The following DTNA variants were observed in gnomAD, a reference collection of about 807,000 sequenced individuals.
The protein encoded by DTNA is dystrophin-related protein 3.
In DTNA, 43 loss-of-function variants were observed where a neutral mutation model predicts 100.7. That is an observed-to-expected ratio of 0.43 (90% CI 0.33 to 0.55). DTNA has a LOEUF of 0.55. DTNA is among the 20% of genes least tolerant of loss of function. The pLI is 0.04. For synonymous variants in DTNA, 349 were observed against 347.9 expected (o/e 1.00, Z -0.04); for missense variants, 798 against 953.9 (o/e 0.84, Z 2.15).
chr18:34,840,061 C>A (rs2096240346), intron 13 of DTNA, among the ~76,000 whole-genome samples: 1 of 152,142 alleles, frequency 6.6e-6, no homozygotes, highest in Admixed American at 6.6e-5. Context: ...AAGATTAATA[C>A]ATGAGATAAT....
intron 1 of DTNA, among the ~76,000 whole-genome samples, chr18:34,667,149 A>G (rs1194428548): frequency 6.6e-6 from 1 of 152,174 alleles, no homozygotes; most frequent in African/African-American, 2.4e-5. Context: ...ATCCCTTGTA[A>G]GATGGATTCC....
chr18:34,745,070 C>T (rs767488710), intron 1 of DTNA, among the ~76,000 whole-genome samples: 4 of 152,030 alleles, frequency 2.6e-5, no homozygotes, highest in African/African-American at 7.2e-5. Context: ...GCATAGTACT[C>T]GGAACATAGT....
At chr18:34,573,372 A>G (rs2047779336) in intron 1 of DTNA, among the ~76,000 whole-genome samples, 1 of 152,126 alleles carries the variant, frequency 6.6e-6, no homozygotes, top group Non-Finnish European at 1.5e-5. Context: ...CACTGCTACC[A>G]CCAATATATC....
chr18:34,614,212 T>C (rs1357171500), intron 1 of DTNA, among the ~76,000 whole-genome samples: 1 of 152,204 alleles, frequency 6.6e-6, no homozygotes, highest in African/African-American at 2.4e-5. Context: ...CTATTGAGAC[T>C]TACTGCTAAA....
In DTNA at chr18:34,888,511, T is replaced by C. The variant is rs1449208719; in HGVS notation, c.*777T>C. 1 of 985,822 alleles carries C rather than the reference T, an allele frequency of 1.0e-6. No individual in the cohort carries two copies. The highest frequency in any genetic ancestry group is 1.2e-6 in the Non-Finnish European group (1 of 829,920). The allele number at this position is 985,822 out of a possible 1,614,324, so 61.1% of individuals were successfully genotyped here. ...TCTTTCAAGATACTCTAATCAGCCA[T>C]AGAATTTAGTGTAAATATTTTTTTT... is the stretch of plus-strand genomic sequence containing the variant. On this transcript the variant is annotated 3_prime_UTR_variant, in exon 23 of 23. Transcript: ENST00000444659.
chr18:34,654,190 C>G (rs1347808393), intron 1 of DTNA, among the ~76,000 whole-genome samples: 1 of 152,154 alleles, frequency 6.6e-6, no homozygotes, highest in African/African-American at 2.4e-5. Context: ...GTGACATTCT[C>G]AAATAGCTGA....
intron 1 of DTNA, among the ~76,000 whole-genome samples, chr18:34,721,679 A>G (rs563402679): frequency 9.2e-5 from 14 of 152,346 alleles, no homozygotes; most frequent in Admixed American, 1.3e-4. Flanking sequence ...ATGAGCCCCA[A>G]AACTACTCTG....
chr18:34,875,168 A>G, intron 17 of DTNA, 71 bp from the exon 18 acceptor site: 1 of 1,582,820 alleles, frequency 6.3e-7, no homozygotes, highest in Non-Finnish European at 8.6e-7. Context: ...TCAACAATCA[A>G]CTGAGGCATT....
intron 1 of DTNA, among the ~76,000 whole-genome samples, chr18:34,682,412 T>C (rs767494066): frequency 2.0e-5 from 3 of 152,192 alleles, no homozygotes; most frequent in Non-Finnish European, 4.4e-5. Flanking sequence ...TGCTGAATCA[T>C]AGGATAAAAA....
At chr18:34,701,716 G>C (rs184005170) in intron 1 of DTNA, among the ~76,000 whole-genome samples, 1 of 152,020 alleles carries the variant, frequency 6.6e-6, no homozygotes, top group South Asian at 2.1e-4. Context: ...AAAGTAAATG[G>C]CATCTCCATT....
At chr18:34,567,595 A>G (rs148159126) in intron 1 of DTNA, among the ~76,000 whole-genome samples, 91 of 152,170 alleles carry the variant, frequency 6.0e-4, no homozygotes, top group Non-Finnish European at 1.2e-3. Flanking sequence ...ACTTATAATA[A>G]CTGATAACCT....
chr18:34,836,097 C>T (rs2096136669), intron 11 of DTNA, among the ~76,000 whole-genome samples: 1 of 152,108 alleles, frequency 6.6e-6, no homozygotes, highest in South Asian at 2.1e-4. Context: ...ACTGTAGGTA[C>T]TGCATAATGA....
At position 34,888,434 on chromosome 18, in the gene DTNA, C is replaced by T. The variant is rs887063745; in HGVS notation, c.*700C>T. 2 of 985,684 alleles carry T rather than the reference C, an allele frequency of 2.0e-6. No homozygotes were observed. The highest frequency in any genetic ancestry group is 3.5e-5 in the African/African-American group (2 of 57,220). The allele number at this position is 985,684 out of a possible 1,614,324, so 61.1% of individuals were successfully genotyped here. The stretch of plus-strand genomic sequence containing the variant: ...TCTGTGAGCAGTGACTTGAACCAAA[C>T]ACACCAGGAATAATCCATTCTTTGG... On this transcript the variant is annotated 3_prime_UTR_variant, in exon 23 of 23. Coordinates refer to ENST00000444659, the MANE Select transcript of DTNA (RefSeq NM_001386795.1).
At chr18:34,566,405 A>G (rs1279514991) in intron 1 of DTNA, among the ~76,000 whole-genome samples, 1 of 152,238 alleles carries the variant, frequency 6.6e-6, no homozygotes, top group African/African-American at 2.4e-5. Flanking sequence ...TGGATTAAAA[A>G]TGGTAGAAAG....
At chr18:34,817,917 T>G in intron 7 of DTNA, 1 of 1,335,788 alleles carries the variant, frequency 7.5e-7, no homozygotes, top group Non-Finnish European at 9.7e-7. Context: ...CAAATGGCAT[T>G]ACAGAGATTT....
intron 1 of DTNA, among the ~76,000 whole-genome samples, chr18:34,678,260 A>G (rs144837759): frequency 2.8e-3 from 424 of 152,266 alleles, no homozygotes; most frequent in Middle Eastern, 0.027. Context: ...AGATAAGAGG[A>G]AGGGGAAGAT....
intron 1 of DTNA, among the ~76,000 whole-genome samples, chr18:34,678,465 A>T (rs1374706308): frequency 6.6e-6 from 1 of 151,794 alleles, no homozygotes; most frequent in Non-Finnish European, 1.5e-5. Context: ...TTCCCTTTCC[A>T]CCCCCACTGC....
chr18:34,669,407 G>T (rs529663593), intron 1 of DTNA, among the ~76,000 whole-genome samples: 36 of 152,242 alleles, frequency 2.4e-4, no homozygotes, highest in African/African-American at 8.7e-4. Flanking sequence ...CTTTTAATTG[G>T]AGTATTTAGC....
intron 1 of DTNA, among the ~76,000 whole-genome samples, chr18:34,591,229 T>C (rs1444410495): frequency 2.0e-5 from 3 of 152,188 alleles, no homozygotes; most frequent in African/African-American, 7.2e-5. Flanking sequence ...ATAAGATGTA[T>C]AATGATTTTT....
Sources: gnomAD v4.1 joint callset for allele counts (sites outside exome capture counted in the v4.1 genomes callset) on GRCh38, gnomAD v4.1.1 for gene constraint, MANE v1.5 for transcripts, NCBI Gene and HGNC (gene_info 2026-07-23, HGNC 2026-07-21) for gene names.